Variants in ELP3 observed in about 807,000 individuals in gnomAD.
The protein encoded by ELP3 is elongator complex protein 3.
In ELP3, 56 loss-of-function variants were observed where a neutral mutation model predicts 74.9. That is an observed-to-expected ratio of 0.75 (90% CI 0.60 to 0.93). ELP3 has a LOEUF of 0.93. Among genes scored for constraint, ELP3 ranks in the 40% least tolerant of loss-of-function variants. The pLI is 0.00. For synonymous variants in ELP3, 222 were observed against 239.8 expected (o/e 0.93, Z 0.68); for missense variants, 573 against 686.5 (o/e 0.83, Z 1.85).
chr8:28,120,989 T>A (rs1585666624), intron 7 of ELP3, among the ~76,000 whole-genome samples: 2 of 152,326 alleles, frequency 1.3e-5, no homozygotes, highest in East Asian at 3.9e-4. Context: ...TTTGTAATTG[T>A]TTTTCAAAAT....
chr8:28,172,907 T>TC (rs1468415982), intron 14 of ELP3, among the ~76,000 whole-genome samples: 3 of 152,084 alleles, frequency 2.0e-5, no homozygotes, highest in Admixed American at 2.0e-4. Context: ...TGATTTTTTT[T>TC]CCCACTTAAT....
intron 14 of ELP3, among the ~76,000 whole-genome samples, chr8:28,173,299 C>G (rs1410574806): frequency 6.6e-6 from 1 of 151,758 alleles, no homozygotes; most frequent in African/African-American, 2.4e-5. Context: ...GATTCAGTTT[C>G]TTGTTATGTA....
intron 9 of ELP3, among the ~76,000 whole-genome samples, chr8:28,136,182 G>A (rs1019986267): frequency 1.3e-4 from 20 of 152,030 alleles, no homozygotes; most frequent in African/African-American, 4.8e-4. Flanking sequence ...GGCTGGTCTT[G>A]AACTCCTGAC....
intron 11 of ELP3, 30 bp downstream of exon 11, chr8:28,156,062 A>C (rs4732832): frequency 0.52 from 809,777 of 1,564,836 alleles, 216,394 homozygotes; most frequent in East Asian, 0.92. Context: ...TCAGGCCACA[A>C]CTGTTGAGAA....
intron 3 of ELP3, among the ~76,000 whole-genome samples, chr8:28,100,852 C>T (rs894648428): frequency 5.3e-5 from 8 of 152,132 alleles, no homozygotes; most frequent in African/African-American, 1.9e-4. Context: ...GATACATGCA[C>T]AGAAATTGAT....
intron 7 of ELP3, among the ~76,000 whole-genome samples, chr8:28,119,405 C>T (rs1159073056): frequency 2.0e-5 from 3 of 151,728 alleles, no homozygotes; most frequent in Non-Finnish European, 4.4e-5. Flanking sequence ...CAGTGTCTCT[C>T]GCGTGTGCTT....
intron 9 of ELP3, 84 bp from the exon 10 acceptor site, chr8:28,137,614 G>A (rs1287483488): frequency 1.4e-6 from 2 of 1,390,370 alleles, no homozygotes; most frequent in Middle Eastern, 2.5e-4. Context: ...GGGTGTGCCA[G>A]AGAAGCTGTC....
chr8:28,105,169 G>T (rs1811638484), intron 3 of ELP3, among the ~76,000 whole-genome samples: 1 of 151,966 alleles, frequency 6.6e-6, no homozygotes, highest in African/African-American at 2.4e-5. Flanking sequence ...ATCACCTGAG[G>T]TCAGGAGTTT....
At chr8:28,182,578 A>C (rs1444525903) in intron 14 of ELP3, among the ~76,000 whole-genome samples, 1 of 151,906 alleles carries the variant, frequency 6.6e-6, no homozygotes, top group Non-Finnish European at 1.5e-5. Flanking sequence ...AAACAAAAAA[A>C]CCACATCTGG....
rs1381818305 is a variant in ELP3 at position 28,162,006 on chromosome 8, A to G, written c.1495A>G (p.Met499Val). Residue 499 changes from methionine (M) to valine (V), a missense_variant, in exon 14 of 15, where the codon ATG (methionine) becomes GTG (valine). By Grantham distance (21) the Met-to-Val change is conservative (BLOSUM62 1). Transcript: ENST00000256398. ...PTKFQHQGFG[M>V]LLMEEAERIA... is the part of the protein sequence containing the mutation. ...TTGTTGCTCCGTGCAGGGATTTGGC[A>G]TGCTGCTGATGGAGGAAGCAGAAAG... 1.9e-6 allele frequency: 3 copies of G among 1,613,986 alleles called. No homozygotes were observed. The highest frequency in any genetic ancestry group is 1.7e-6 in the Non-Finnish European group (2 of 1,180,000).
chr8:28,158,756 C>G (rs140134699), intron 12 of ELP3, 123 bp downstream of exon 12: 3 of 749,412 alleles, frequency 4.0e-6, no homozygotes, highest in Non-Finnish European at 6.8e-6. Flanking sequence ...AGAGACTAAT[C>G]GAGGATTAGA....
At chr8:28,178,749 A>G (rs148890044) in intron 14 of ELP3, among the ~76,000 whole-genome samples, 17 of 152,310 alleles carry the variant, frequency 1.1e-4, no homozygotes, top group Middle Eastern at 3.4e-3. Context: ...TGCTTCTACA[A>G]TTTTTCACTA....
At chr8:28,110,252 G>A (rs1811862137) in intron 5 of ELP3, 118 bp from the exon 6 acceptor site, 4 of 875,080 alleles carry the variant, frequency 4.6e-6, no homozygotes, top group South Asian at 4.5e-5. Flanking sequence ...ATTAATGCGG[G>A]TACAAGCCAC....
chr8:28,151,014 A>C (rs775513248), intron 10 of ELP3, among the ~76,000 whole-genome samples: 2 of 152,068 alleles, frequency 1.3e-5, no homozygotes, highest in Non-Finnish European at 2.9e-5. Flanking sequence ...GGCTCAAGTG[A>C]TCTTCCTGCC....
chr8:28,175,320 T>G (rs4317529), intron 14 of ELP3, among the ~76,000 whole-genome samples: 146,754 of 152,062 alleles, frequency 0.97, 71,039 homozygotes, highest in Non-Finnish European at 1. Context: ...TTTTCTACAT[T>G]TTTTCTTTCT....
intron 14 of ELP3, among the ~76,000 whole-genome samples, chr8:28,166,852 T>A (rs1443071595): frequency 6.6e-6 from 1 of 152,198 alleles, no homozygotes; most frequent in Non-Finnish European, 1.5e-5. Context: ...TCAGATCCAA[T>A]CGTGTGACTG....
intron 7 of ELP3, 113 bp from the exon 8 acceptor site, chr8:28,129,389 C>T: frequency 8.9e-7 from 1 of 1,118,022 alleles, no homozygotes; most frequent in Non-Finnish European, 1.3e-6. Flanking sequence ...GCTCCAGAGC[C>T]TACACTCTTT....
upstream of ELP3, among the ~76,000 whole-genome samples, chr8:28,092,029 A>G (rs1319778343): frequency 6.6e-6 from 1 of 152,132 alleles, no homozygotes; most frequent in African/African-American, 2.4e-5. Flanking sequence ...CTTGTCCCCT[A>G]CCTACTGTAA....
chr8:28,095,039 G>T (rs886866808), intron 1 of ELP3, among the ~76,000 whole-genome samples: 1 of 152,124 alleles, frequency 6.6e-6, no homozygotes, highest in South Asian at 2.1e-4. Context: ...TTGCCTAGTG[G>T]CCAGGGTCCC....
Sources: allele counts gnomAD v4.1 joint callset (sites outside exome capture counted in the v4.1 genomes callset), GRCh38; gene constraint gnomAD v4.1.1; transcripts MANE v1.5; gene names NCBI Gene and HGNC (gene_info 2026-07-23, HGNC 2026-07-21).